The following CSNK2A1 variants were observed in gnomAD, a reference collection of about 807,000 sequenced individuals.
The protein encoded by CSNK2A1 is casein kinase II subunit alpha.
A neutral mutation model predicts 62.9 loss-of-function variants in CSNK2A1; 10 were observed. That is an observed-to-expected ratio of 0.16 (90% CI 0.10 to 0.27). The LOEUF is 0.27. CSNK2A1 is among the 10% of genes least tolerant of loss of function. CSNK2A1 has a pLI of 1.00. For synonymous variants in CSNK2A1, 124 were observed against 167.8 expected (o/e 0.74, Z 2.02); for missense variants, 160 against 492.0 (o/e 0.33, Z 6.38).
chr20:499,786 A>T lies in CSNK2A1; in HGVS notation c.315+47T>A. 1 of 1,583,462 alleles carries T rather than the reference A, an allele frequency of 6.3e-7. No individual in the cohort carries two copies. The highest frequency in any genetic ancestry group is 8.7e-7 in the Non-Finnish European group (1 of 1,154,812). On this transcript the variant is annotated intron_variant, in intron 5 of 13. Transcript: ENST00000217244. The surrounding 1 kb of genome is among the most constrained non-coding windows in gnomAD (Gnocchi z 4.2). Reference sequence around the variant, plus strand: ...AGAGGCCAGTTGTGCTCCAGGTCAAACACCATCTCAGCTCTGGCGGGCCTT... The same window carrying T: ...AGAGGCCAGTTGTGCTCCAGGTCAATCACCATCTCAGCTCTGGCGGGCCTT...
chr20:543,401 C>T (rs1464977964), intron 1 of CSNK2A1, among the ~76,000 whole-genome samples: 1 of 151,336 alleles, frequency 6.6e-6, no homozygotes, highest in Non-Finnish European at 1.5e-5. Context: ...GTTCAGTCCT[C>T]TCCTCTGCAA....
chr20:486,293 G>C (rs966257934), intron 13 of CSNK2A1, 83 bp downstream of exon 13: 1 of 1,498,516 alleles, frequency 6.7e-7, no homozygotes, highest in African/African-American at 1.4e-5. Context: ...GAGAAGAGAA[G>C]GTATACAAGA....
chr20:484,692 TTTTG>T (rs1449930144), intron 13 of CSNK2A1, among the ~76,000 whole-genome samples: 29 of 129,590 alleles, frequency 2.2e-4, no homozygotes, highest in African/African-American at 1.0e-3. Flanking sequence ...CTAATCATGT[TTTTG>T]TGTGTGTGTG....
At chr20:520,802 G>A (rs1265332852) in intron 2 of CSNK2A1, among the ~76,000 whole-genome samples, 4 of 152,126 alleles carry the variant, frequency 2.6e-5, no homozygotes, top group Non-Finnish European at 5.9e-5. Flanking sequence ...TCTATAAATT[G>A]TTTTGGAAGA....
chr20:480,660 T>A lies in CSNK2A1; in HGVS notation c.*3301A>T, dbSNP rs1447082003. Reference sequence around the variant, plus strand: ...GACCTTACCACACAGCCTTTTTAGTTAAGTGTTTCTTTAACTAGGAAAAGG... The same window carrying A: ...GACCTTACCACACAGCCTTTTTAGTAAAGTGTTTCTTTAACTAGGAAAAGG... On this transcript the variant is annotated 3_prime_UTR_variant, in exon 14 of 14. Coordinates refer to ENST00000217244, the MANE Select transcript of CSNK2A1 (RefSeq NM_177559.3). 6.6e-6 allele frequency: 1 copy of A among 152,208 alleles called. No homozygotes were observed. The highest frequency in any genetic ancestry group is 1.5e-5 in the Non-Finnish European group (1 of 68,048). The allele number at this position is 152,208 out of a possible 1,614,324, so 9.4% of individuals were successfully genotyped here.
chr20:528,541 T>C (rs916826231), intron 1 of CSNK2A1, among the ~76,000 whole-genome samples: 1 of 152,120 alleles, frequency 6.6e-6, no homozygotes, highest in African/African-American at 2.4e-5. Flanking sequence ...TCAGCTTCCT[T>C]AGTAGCTGGG....
At chr20:539,690 G>C (rs1401759503) in intron 1 of CSNK2A1, 2 of 152,204 alleles carry the variant, frequency 1.3e-5, no homozygotes, top group Non-Finnish European at 2.9e-5. Context: ...TCTGCCTTCT[G>C]GTTTCCAAGG....
chr20:508,015 G>A (rs575203606), intron 3 of CSNK2A1: 107 of 155,230 alleles, frequency 6.9e-4, no homozygotes, highest in Non-Finnish European at 6.4e-4. Context: ...AATACTTTAG[G>A]CAATTGTAAC....
Position 508,522 on chromosome 20 carries a change from T to C in CSNK2A1, c.30A>G (p.Arg10=). ...TGTGTGTATTAACATCTGTGTAAAC[T>C]CTGGCCCTGCTTGGCACGGGTCCCG... is the stretch of plus-strand genomic sequence containing the variant. The part of the protein sequence containing the change: MSGPVPSRA[R]VYTDVNTHRP... The change falls in exon 3 of 14, where the codon AGA becomes AGG. Residue 10 remains arginine, a synonymous_variant. Coordinates refer to ENST00000217244, the MANE Select transcript of CSNK2A1 (RefSeq NM_177559.3). 1 of 1,614,094 alleles carries C rather than the reference T, an allele frequency of 6.2e-7. No individual in the cohort carries two copies. Among genetic ancestry groups the C allele is most frequent in the Non-Finnish European group, 8.5e-7 (1 of 1,179,982 alleles).
In CSNK2A1 at chr20:483,772, A is replaced by AAAAAAAG. The variant is rs1258333546; in HGVS notation, c.*182_*188dup. On this transcript the variant is annotated 3_prime_UTR_variant, in exon 14 of 14. Coordinates refer to ENST00000217244, the MANE Select transcript of CSNK2A1 (RefSeq NM_177559.3). The stretch of plus-strand genomic sequence containing the variant: ...GAGTTATGAAAAGTTCGAGTTAAAA[A>AAAAAAAG]AAAAAAGAAAAAAGAAAATCAGCCT... The AAAAAAAG allele has an allele frequency of 3.4e-5, 14 of 407,870 alleles. No homozygotes were observed. Among genetic ancestry groups the AAAAAAAG allele is most frequent in the Non-Finnish European group, 5.0e-5 (12 of 239,046 alleles). The allele number at this position is 407,870 out of a possible 1,614,324, so 25.3% of individuals were successfully genotyped here.
In CSNK2A1 at chr20:483,897, G is replaced by A. The variant is rs890894857; in HGVS notation, c.*64C>T. 2.7e-6 allele frequency: 4 copies of A among 1,500,832 alleles called. No individual in the cohort carries two copies. Among genetic ancestry groups the A allele is most frequent in the Non-Finnish European group, 3.6e-6 (4 of 1,123,078 alleles). 93.0% of individuals were successfully genotyped at this position (1,500,832 alleles called of 1,614,324 possible). A position where few individuals can be genotyped will look rare whatever the true frequency, so the allele number is the denominator to read the frequency against. On this transcript the variant is annotated 3_prime_UTR_variant, in exon 14 of 14. Coordinates refer to ENST00000217244, the MANE Select transcript of CSNK2A1 (RefSeq NM_177559.3). ...TTTCACCCCTCCCCGCCAGGCGCAA[G>A]CTGCATCAAGGAGAGGGTGGACTCC...
intron 11 of CSNK2A1, chr20:488,328 A>C (rs1338067217): frequency 4.3e-6 from 1 of 235,208 alleles, no homozygotes; most frequent in African/African-American, 2.4e-5. Context: ...TAAAGCATGC[A>C]TTTTCTACTT....
At chr20:502,106 C>T (rs925081566) in intron 4 of CSNK2A1, 1 of 152,176 alleles carries the variant, frequency 6.6e-6, no homozygotes, top group Non-Finnish European at 1.5e-5. Context: ...CTATACTCGC[C>T]TGTTAGTGAT....
At chr20:490,934 A>G (rs2018220373) in intron 9 of CSNK2A1, among the ~76,000 whole-genome samples, 1 of 150,888 alleles carries the variant, frequency 6.6e-6, no homozygotes, top group African/African-American at 2.4e-5. Flanking sequence ...TAGCCCATGG[A>G]GACCATCTAA....
intron 2 of CSNK2A1, among the ~76,000 whole-genome samples, chr20:513,121 T>C (rs1227596952): frequency 1.3e-5 from 2 of 152,252 alleles, no homozygotes; most frequent in East Asian, 1.9e-4. Context: ...ACTTTTAATA[T>C]ACTAAACTTT....
In CSNK2A1 at chr20:482,813, A is replaced by T. The variant is rs1158537329; in HGVS notation, c.*1148T>A. On this transcript the variant is annotated 3_prime_UTR_variant, in exon 14 of 14. Coordinates refer to ENST00000217244, the MANE Select transcript of CSNK2A1 (RefSeq NM_177559.3). ...CAAGGGGTGGCGGGGCTGTAACAAG[A>T]GAGTTTATAGTTTTCCCACAATTAC... 6.6e-6 allele frequency: 1 copy of T among 152,634 alleles called. No homozygotes were observed. The highest frequency in any genetic ancestry group is 1.5e-5 in the Non-Finnish European group (1 of 68,054). 9.5% of individuals were successfully genotyped at this position (152,634 alleles called of 1,614,324 possible).
At chr20:509,376 G>C (rs184331379) in intron 2 of CSNK2A1, among the ~76,000 whole-genome samples, 17 of 152,254 alleles carry the variant, frequency 1.1e-4, no homozygotes, top group African/African-American at 4.1e-4. Context: ...TGACACCGGG[G>C]GAAAATAAGT....
chr20:485,109 A>AATATACATATAT (rs2018062471), intron 13 of CSNK2A1, among the ~76,000 whole-genome samples: 1 of 24,666 alleles, frequency 4.1e-5, no homozygotes, highest in African/African-American at 1.4e-4. Flanking sequence ...AAAAAAAAAA[A>AATATACATATAT]ATATATATAT....
At chr20:543,303 C>T (rs148445432) in intron 1 of CSNK2A1, 5,907 of 159,020 alleles carry the variant, frequency 0.037, 155 homozygotes, top group African/African-American at 0.069. Context: ...CCGCACCCTC[C>T]CCCAGCACCC....
Sources: gnomAD v4.1 joint callset for allele counts (sites outside exome capture counted in the v4.1 genomes callset) on GRCh38, gnomAD v4.1.1 for gene constraint, Gnocchi (gnomAD v3.1) non-coding constraint, MANE v1.5 for transcripts, NCBI Gene and HGNC (gene_info 2026-07-23, HGNC 2026-07-21) for gene names.